Variants in TRAPPC9 observed in about 807,000 individuals in gnomAD.
TRAPPC9 encodes the protein IKK2 binding protein.
In TRAPPC9, 83 loss-of-function variants were observed where a neutral mutation model predicts 124.0. The observed-to-expected ratio is 0.67, with a 90% confidence interval of 0.56 to 0.80. The LOEUF (loss-of-function observed/expected upper bound fraction) is 0.80, where lower values mean the gene tolerates loss of function less well. Ranked by LOEUF, TRAPPC9 falls within the 30% of genes least tolerant of loss-of-function variation. The pLI is 0.00. For missense variants in TRAPPC9, 1,302 were observed against 1,508.3 expected (o/e 0.86, Z 2.27); for synonymous variants, 638 against 617.5 (o/e 1.03, Z -0.49).
chr8:140,163,211 G>C (rs2061779449), intron 17 of TRAPPC9, among the ~76,000 whole-genome samples: 1 of 152,090 alleles, frequency 6.6e-6, no homozygotes, highest in African/African-American at 2.4e-5. Flanking sequence ...CCCCACTCCA[G>C]GGCCATCAAC....
chr8:139,786,797 A>G (rs905630271), intron 21 of TRAPPC9, among the ~76,000 whole-genome samples: 2 of 152,198 alleles, frequency 1.3e-5, no homozygotes, highest in Admixed American at 1.3e-4. Flanking sequence ...CCAGTTAAAA[A>G]AACAGTGTGG....
At chr8:140,247,401 C>T (rs1441120526) in intron 16 of TRAPPC9, among the ~76,000 whole-genome samples, 2 of 152,126 alleles carry the variant, frequency 1.3e-5, no homozygotes, top group Non-Finnish European at 2.9e-5. Flanking sequence ...TCAAAAAGTC[C>T]AATGATAATC....
Position 140,070,954 on chromosome 8 carries a change from G to A in TRAPPC9, c.2557-46875C>T, listed in dbSNP as rs527643743. Among the ~76,000 whole-genome samples, 14 of 152,320 alleles carry A rather than the reference G, an allele frequency of 9.2e-5. No individual in the cohort carries two copies. The East Asian group carries it at 2.7e-3, about 29-fold the overall frequency. On this transcript the variant is annotated intron_variant, in intron 17 of 22. Coordinates refer to ENST00000438773, the MANE Select transcript of TRAPPC9 (RefSeq NM_001160372.4). ...CTCTGTTGTGAAGCAGAGGGACGGG[G>A]GGCCCAGGCCTTGGCAGCACTCGGC... is the stretch of plus-strand genomic sequence containing the variant.
intron 21 of TRAPPC9, among the ~76,000 whole-genome samples, chr8:139,786,385 T>C (rs1370920602): frequency 2.0e-5 from 3 of 151,952 alleles, no homozygotes; most frequent in African/African-American, 4.8e-5. Flanking sequence ...TTAGAGGGCC[T>C]AGGGTGAAAA....
At chr8:140,427,312 G>A (rs1221824242) in intron 4 of TRAPPC9, among the ~76,000 whole-genome samples, 1 of 151,844 alleles carries the variant, frequency 6.6e-6, no homozygotes, top group Non-Finnish European at 1.5e-5. Context: ...GAGAAAAGGT[G>A]CCAGTGGCTC....
At chr8:140,456,017 G>A (rs1365127936) in intron 1 of TRAPPC9, among the ~76,000 whole-genome samples, 1 of 152,156 alleles carries the variant, frequency 6.6e-6, no homozygotes, top group Non-Finnish European at 1.5e-5. Flanking sequence ...CTGTCGGAGG[G>A]GGGAATGAGG....
At chr8:139,877,888 G>T (rs1180063834) in intron 21 of TRAPPC9, among the ~76,000 whole-genome samples, 1 of 152,204 alleles carries the variant, frequency 6.6e-6, no homozygotes, top group Non-Finnish European at 1.5e-5. Context: ...CGAGGGTGCA[G>T]CGGAGGCTGT....
chr8:140,454,183 A>G (rs1262406909), intron 1 of TRAPPC9, among the ~76,000 whole-genome samples: 2 of 152,120 alleles, frequency 1.3e-5, no homozygotes, highest in African/African-American at 4.8e-5. Context: ...CAGCTACTCC[A>G]GAGGCTGAGG....
At chr8:140,129,977 C>G (rs2061174809) in intron 17 of TRAPPC9, among the ~76,000 whole-genome samples, 1 of 152,166 alleles carries the variant, frequency 6.6e-6, no homozygotes, top group Non-Finnish European at 1.5e-5. Context: ...AATCAGGGCC[C>G]CTGGAGAGAT....
chr8:139,805,809 CGAA>C (rs1195370964), intron 21 of TRAPPC9, among the ~76,000 whole-genome samples: 1 of 152,076 alleles, frequency 6.6e-6, no homozygotes, highest in Non-Finnish European at 1.5e-5. Flanking sequence ...ATACACAGAA[CGAA>C]GAAGGAGGGC....
At chr8:139,981,475 G>C (rs1234339343) in intron 19 of TRAPPC9, among the ~76,000 whole-genome samples, 1 of 152,208 alleles carries the variant, frequency 6.6e-6, no homozygotes, top group African/African-American at 2.4e-5. Context: ...GGAACACAGA[G>C]GGATGAGCAA....
At chr8:140,040,678 G>C (rs896886388) in intron 17 of TRAPPC9, 1 of 152,408 alleles carries the variant, frequency 6.6e-6, no homozygotes, top group Non-Finnish European at 1.5e-5. Flanking sequence ...CACCACGCTC[G>C]GCCGCACACT....
At chr8:139,778,870 T>A (rs1821577786) in intron 21 of TRAPPC9, among the ~76,000 whole-genome samples, 1 of 151,938 alleles carries the variant, frequency 6.6e-6, no homozygotes, top group Non-Finnish European at 1.5e-5. Flanking sequence ...AAAATAATGG[T>A]CAAAATTTTC....
chr8:140,217,029 C>T (rs1274480077), intron 17 of TRAPPC9, among the ~76,000 whole-genome samples: 7 of 152,188 alleles, frequency 4.6e-5, no homozygotes, highest in Admixed American at 3.3e-4. Context: ...GCCCCCAACT[C>T]GAGGGCTCCT....
intron 17 of TRAPPC9, chr8:140,215,776 A>C (rs2063177612): frequency 6.6e-6 from 1 of 152,212 alleles, no homozygotes; most frequent in Admixed American, 6.5e-5. Context: ...ACAAGGATTG[A>C]GGAAACCTGG....
intron 13 of TRAPPC9, among the ~76,000 whole-genome samples, chr8:140,285,725 A>C (rs2065463440): frequency 7.2e-6 from 1 of 139,490 alleles, no homozygotes; most frequent in Admixed American, 7.2e-5. Flanking sequence ...CCCACAGCCC[A>C]CCCCCATTCA....
chr8:140,437,877 C>T (rs1363179614), intron 3 of TRAPPC9, among the ~76,000 whole-genome samples: 1 of 152,168 alleles, frequency 6.6e-6, no homozygotes, highest in African/African-American at 2.4e-5. Context: ...CACAGACATC[C>T]GATTCCACCA....
intron 21 of TRAPPC9, among the ~76,000 whole-genome samples, chr8:139,793,007 CAG>C (rs974084777): frequency 1.2e-4 from 19 of 152,338 alleles, no homozygotes; most frequent in African/African-American, 4.3e-4. Flanking sequence ...GCCACCTGGA[CAG>C]AGTGATCCGC....
chr8:139,937,782 G>A (rs931332468), intron 19 of TRAPPC9, among the ~76,000 whole-genome samples: 3 of 152,152 alleles, frequency 2.0e-5, no homozygotes, highest in Admixed American at 1.3e-4. Flanking sequence ...CTGCCGCCAC[G>A]GTTTCTAATC....
Sources: allele counts gnomAD v4.1 joint callset (sites outside exome capture counted in the v4.1 genomes callset), GRCh38; gene constraint gnomAD v4.1.1; transcripts MANE v1.5; gene names NCBI Gene and HGNC (gene_info 2026-07-23, HGNC 2026-07-21).